Variants in PLCB1 observed in about 807,000 individuals in gnomAD.
PLCB1 encodes 1-phosphatidylinositol 4,5-bisphosphate phosphodiesterase beta-1.
A neutral mutation model predicts 161.8 loss-of-function variants in PLCB1; 46 were observed. That is an observed-to-expected ratio of 0.28 (90% CI 0.22 to 0.36). The LOEUF (loss-of-function observed/expected upper bound fraction) is 0.36. PLCB1 is among the 10% of genes least tolerant of loss of function. PLCB1 has a pLI of 1.00. For synonymous variants in PLCB1, 517 were observed against 503.7 expected, an observed-to-expected ratio of 1.03 and a Z score of -0.35; for missense variants, 1,016 against 1,472.5, an observed-to-expected ratio of 0.69 and a Z score of 5.07.
At chr20:8,521,931 C>T (rs1176290807) in intron 3 of PLCB1, among the ~76,000 whole-genome samples, 1 of 152,188 alleles carries the variant, frequency 6.6e-6, no homozygotes, top group Non-Finnish European at 1.5e-5. Context: ...CTCCTTCTTT[C>T]TTAACATCAG....
intron 3 of PLCB1, among the ~76,000 whole-genome samples, chr20:8,600,411 C>T (rs544345342): frequency 1.7e-4 from 24 of 139,628 alleles, no homozygotes; most frequent in Admixed American, 7.7e-4. Flanking sequence ...TTAGGCTGCT[C>T]GGGGGTCAGG....
At chr20:8,275,158 T>C (rs1982468272) in intron 2 of PLCB1, among the ~76,000 whole-genome samples, 1 of 151,958 alleles carries the variant, frequency 6.6e-6, no homozygotes, top group African/African-American at 2.4e-5. Flanking sequence ...GGAATACTGA[T>C]GTCATATATG....
intron 12 of PLCB1, among the ~76,000 whole-genome samples, chr20:8,710,536 C>T (rs1335686079): frequency 4.0e-5 from 4 of 100,264 alleles, no homozygotes; most frequent in South Asian, 3.4e-4. Context: ...TTTTCTGAAG[C>T]GGAGTTTCAC....
intron 2 of PLCB1, among the ~76,000 whole-genome samples, chr20:8,170,137 G>A (rs2051718966): frequency 6.6e-6 from 1 of 152,178 alleles, no homozygotes; most frequent in Admixed American, 6.6e-5. Context: ...GAGTGCCCAT[G>A]ATGTGCTCTT....
chr20:8,786,700 T>G (rs1983503050), intron 27 of PLCB1, among the ~76,000 whole-genome samples: 1 of 151,830 alleles, frequency 6.6e-6, no homozygotes, highest in Non-Finnish European at 1.5e-5. Context: ...TGTTTTTTTT[T>G]TTTTTGAGAC....
In PLCB1 at chr20:8,363,679, C is replaced by T. The variant is rs149586464; in HGVS notation, c.178-7703C>T. ...AAGACAGCTGCAGGTCCCTCTCACA[C>T]TCAGAGGGAGGGGATTACACAAAGG... On this transcript the variant is annotated intron_variant, in intron 2 of 31. Coordinates refer to ENST00000338037, the MANE Select transcript of PLCB1 (RefSeq NM_015192.4). Among the ~76,000 whole-genome samples, 4 of 152,216 alleles carry T rather than the reference C, an allele frequency of 2.6e-5. No homozygotes were observed. The East Asian group carries it at 7.7e-4, about 29-fold the overall frequency.
intron 2 of PLCB1, among the ~76,000 whole-genome samples, chr20:8,233,191 C>T (rs1600250771): frequency 6.6e-6 from 1 of 152,080 alleles, no homozygotes; most frequent in Non-Finnish European, 1.5e-5. Flanking sequence ...TTATCAAATA[C>T]CTGCTCTGGG....
At chr20:8,714,887 T>C (rs995920952) in intron 12 of PLCB1, among the ~76,000 whole-genome samples, 1 of 152,182 alleles carries the variant, frequency 6.6e-6, no homozygotes, top group African/African-American at 2.4e-5. Context: ...ATAGTGACTT[T>C]TCCTGTGGAC....
At chr20:8,325,643 A>G (rs1985121574) in intron 2 of PLCB1, among the ~76,000 whole-genome samples, 1 of 152,222 alleles carries the variant, frequency 6.6e-6, no homozygotes, top group Admixed American at 6.5e-5. Context: ...AAGGGTCAGG[A>G]AGGTTAAGTG....
At chr20:8,555,963 G>A (rs1213553031) in intron 3 of PLCB1, among the ~76,000 whole-genome samples, 1 of 142,562 alleles carries the variant, frequency 7.0e-6, no homozygotes, top group Non-Finnish European at 1.5e-5. Context: ...ACATGAAAGA[G>A]ACACTTAGTC....
intron 3 of PLCB1, among the ~76,000 whole-genome samples, chr20:8,627,088 G>A (rs1165127837): frequency 2.0e-5 from 3 of 152,138 alleles, no homozygotes; most frequent in African/African-American, 7.2e-5. Flanking sequence ...CAACTTGTTA[G>A]TGAAAGTGAG....
intron 3 of PLCB1, among the ~76,000 whole-genome samples, chr20:8,387,286 TCACTTGTA>T (rs1987452037): frequency 6.6e-6 from 1 of 152,182 alleles, no homozygotes; most frequent in African/African-American, 2.4e-5. Context: ...ATTCTTCCTT[TCACTTGTA>T]CACTTAGAGG....
intron 23 of PLCB1, among the ~76,000 whole-genome samples, chr20:8,744,071 T>G (rs1981020698): frequency 6.6e-6 from 1 of 152,124 alleles, no homozygotes; most frequent in African/African-American, 2.4e-5. Context: ...TTAGGTACAA[T>G]GCATATTACC....
intron 2 of PLCB1, among the ~76,000 whole-genome samples, chr20:8,169,646 T>C (rs1199572986): frequency 2.6e-5 from 4 of 152,164 alleles, no homozygotes; most frequent in African/African-American, 9.7e-5. Flanking sequence ...TTGCAGATAA[T>C]ACTGCCAAGT....
chr20:8,442,125 C>T (rs117693244), intron 3 of PLCB1, among the ~76,000 whole-genome samples: 1 of 152,024 alleles, frequency 6.6e-6, no homozygotes, highest in Non-Finnish European at 1.5e-5. Flanking sequence ...TAGTTTTTTC[C>T]TTATTTTTAT....
chr20:8,324,199 GGTGTGTGTGTGT>G (rs60079589), intron 2 of PLCB1, among the ~76,000 whole-genome samples: 18 of 147,110 alleles, frequency 1.2e-4, no homozygotes, highest in African/African-American at 2.0e-4. Context: ...AACTGGTAGG[GGTGTGTGTGTGT>G]GTGTGTGTGT....
intron 3 of PLCB1, among the ~76,000 whole-genome samples, chr20:8,624,171 A>G (rs1338908049): frequency 3.9e-5 from 6 of 152,194 alleles, no homozygotes; most frequent in African/African-American, 7.2e-5. Flanking sequence ...TTCATTTCCA[A>G]CTGTTGTACT....
intron 3 of PLCB1, among the ~76,000 whole-genome samples, chr20:8,616,628 A>G (rs1469104245): frequency 6.6e-6 from 1 of 152,204 alleles, no homozygotes; most frequent in Non-Finnish European, 1.5e-5. Flanking sequence ...GATAAATAGT[A>G]GGTGCTCAAT....
intron 3 of PLCB1, among the ~76,000 whole-genome samples, chr20:8,485,387 T>C (rs1278597972): frequency 1.3e-5 from 2 of 152,268 alleles, no homozygotes; most frequent in African/African-American, 4.8e-5. Context: ...TGATTAACTT[T>C]AACTCTTCAA....
Sources: gnomAD v4.1 joint callset for allele counts (sites outside exome capture counted in the v4.1 genomes callset) on GRCh38, gnomAD v4.1.1 for gene constraint, MANE v1.5 for transcripts, NCBI Gene and HGNC (gene_info 2026-07-23, HGNC 2026-07-21) for gene names.